The following SMYD3 variants were observed in gnomAD, a reference collection of about 807,000 sequenced individuals.
The protein encoded by SMYD3 is histone-lysine N-methyltransferase SMYD3.
In SMYD3, 36 loss-of-function variants were observed where a neutral mutation model predicts 57.7. That is an observed-to-expected ratio of 0.62 (90% CI 0.48 to 0.82). The LOEUF (loss-of-function observed/expected upper bound fraction) is 0.82, where lower values mean the gene tolerates loss of function less well. SMYD3 is among the 40% of genes least tolerant of loss of function. The pLI is 0.00. For missense variants in SMYD3, 515 were observed against 538.8 expected (o/e 0.96, Z 0.44); for synonymous variants, 211 against 195.0 (o/e 1.08, Z -0.68).
chr1:246,292,640 T>C (rs934034899), intron 5 of SMYD3, among the ~76,000 whole-genome samples: 1 of 152,218 alleles, frequency 6.6e-6, no homozygotes, highest in Admixed American at 6.5e-5. Context: ...ATAAATTTTG[T>C]AGGGATATGC....
chr1:246,173,419 A>G (rs1309137075), intron 5 of SMYD3, among the ~76,000 whole-genome samples: 3 of 152,258 alleles, frequency 2.0e-5, no homozygotes, highest in Non-Finnish European at 4.4e-5. Context: ...GTAATAAATT[A>G]AGCTTAGCTT....
chr1:245,828,126 C>T (rs1356291254), intron 10 of SMYD3, among the ~76,000 whole-genome samples: 1 of 152,092 alleles, frequency 6.6e-6, no homozygotes, highest in African/African-American at 2.4e-5. Context: ...AGTCTTTATC[C>T]ACATATTAAA....
intron 5 of SMYD3, among the ~76,000 whole-genome samples, chr1:246,229,821 C>T (rs2063384636): frequency 6.6e-6 from 1 of 152,204 alleles, no homozygotes; most frequent in African/African-American, 2.4e-5. Flanking sequence ...TTTCAACACG[C>T]ATTTTGGAGG....
chr1:246,172,734 T>C (rs1161543913), intron 5 of SMYD3, among the ~76,000 whole-genome samples: 1 of 134,840 alleles, frequency 7.4e-6, no homozygotes, highest in African/African-American at 2.8e-5. Flanking sequence ...ATCCACACTG[T>C]ACGCTTAGGC....
intron 8 of SMYD3, among the ~76,000 whole-genome samples, chr1:245,905,603 A>G (rs530246756): frequency 2.6e-5 from 4 of 152,210 alleles, no homozygotes; most frequent in Non-Finnish European, 5.9e-5. Flanking sequence ...TGACTCCCAG[A>G]CAGTACTTCT....
chr1:246,354,322 C>T (rs2065876792), intron 2 of SMYD3, among the ~76,000 whole-genome samples: 1 of 152,166 alleles, frequency 6.6e-6, no homozygotes. Flanking sequence ...ATGTTAACAA[C>T]AGTACTCGTA....
chr1:245,879,714 A>G (rs1026477313), intron 8 of SMYD3, among the ~76,000 whole-genome samples: 1 of 152,242 alleles, frequency 6.6e-6, no homozygotes, highest in Non-Finnish European at 1.5e-5. Flanking sequence ...TATGGTCATG[A>G]AACTATTCTT....
In SMYD3 at chr1:245,993,577, AAAAGATAGAT is replaced by A. The variant is rs1259750387; in HGVS notation, c.532-63650_532-63641del. Among the ~76,000 whole-genome samples, 1,273 of 132,042 alleles carry A rather than the reference AAAAGATAGAT, an allele frequency of 9.6e-3. 19 individuals carry two copies. Among genetic ancestry groups the A allele is most frequent in the East Asian group, 0.037 (159 of 4,304 alleles). 86.6% of individuals were successfully genotyped at this position (132,042 alleles called of 152,430 possible). ...TAGCAAGACGTTGTCTCAAAAAAAA[AAAAGATAGAT>A]AGATAGATAGATAGATAGATAGATA... On this transcript the variant is annotated intron_variant, in intron 5 of 11. Transcript: ENST00000490107.
rs1310836454 is a variant in SMYD3, at chr1:246,496,343, A to AT, written c.164+10710dup. 4.6e-5 allele frequency among the ~76,000 whole-genome samples: 7 copies of AT among 151,706 alleles called. No homozygotes were observed. The East Asian group carries it at 1.2e-3, about 25-fold the overall frequency. On this transcript the variant is annotated intron_variant, in intron 1 of 11. Transcript: ENST00000490107. ...GCCACCACGCCTGGCCAGTTTCTTG[A>AT]TTTTTTTCATTATAAGATGGTTCAT...
intron 5 of SMYD3, among the ~76,000 whole-genome samples, chr1:245,943,955 C>T (rs541345411): frequency 1.3e-5 from 2 of 152,248 alleles, no homozygotes; most frequent in East Asian, 3.9e-4. Flanking sequence ...TGTAAAAACC[C>T]TCAATAAACT....
intron 10 of SMYD3, among the ~76,000 whole-genome samples, chr1:245,767,496 C>T (rs1484684007): frequency 1.3e-5 from 2 of 152,230 alleles, no homozygotes; most frequent in African/African-American, 4.8e-5. Flanking sequence ...GAAACCCCGT[C>T]AATATGTGTG....
At chr1:246,088,801 T>A (rs1401559848) in intron 5 of SMYD3, among the ~76,000 whole-genome samples, 1 of 151,580 alleles carries the variant, frequency 6.6e-6, no homozygotes, top group Non-Finnish European at 1.5e-5. Context: ...CTTCTAATAA[T>A]TTCAGACAGC....
At chr1:246,493,068 A>G (rs2068295655) in intron 1 of SMYD3, among the ~76,000 whole-genome samples, 1 of 152,232 alleles carries the variant, frequency 6.6e-6, no homozygotes, top group Admixed American at 6.5e-5. Flanking sequence ...GGGTACACTT[A>G]AATAAATAAA....
chr1:245,926,647 G>A (rs908421948), intron 7 of SMYD3, among the ~76,000 whole-genome samples: 1 of 152,188 alleles, frequency 6.6e-6, no homozygotes, highest in Non-Finnish European at 1.5e-5. Context: ...ACTGGCAGCC[G>A]AGCCTAGGAA....
intron 5 of SMYD3, among the ~76,000 whole-genome samples, chr1:246,064,175 G>C (rs1009271999): frequency 3.3e-5 from 5 of 152,024 alleles, no homozygotes; most frequent in African/African-American, 1.2e-4. Flanking sequence ...ATCACTGCCG[G>C]AACTCCTACC....
In SMYD3 at chr1:246,254,404, A is replaced by C. The variant is rs570118684; in HGVS notation, c.531+72797T>G. 4.6e-5 allele frequency among the ~76,000 whole-genome samples: 7 copies of C among 152,174 alleles called. No homozygotes were observed. In the South Asian group the frequency reaches 1.5e-3, roughly 32 times the overall value. On this transcript the variant is annotated intron_variant, in intron 5 of 11. Transcript: ENST00000490107. Reference sequence around the variant, plus strand: ...TTTATTGACAGGGAGTCCTTTCCTCATTGCTTATTTTTGTCTACTTTATCA... The same window carrying C: ...TTTATTGACAGGGAGTCCTTTCCTCCTTGCTTATTTTTGTCTACTTTATCA...
chr1:245,894,552 A>G (rs2053625485), intron 8 of SMYD3, among the ~76,000 whole-genome samples: 1 of 152,144 alleles, frequency 6.6e-6, no homozygotes, highest in African/African-American at 2.4e-5. Flanking sequence ...TCCATTCTTC[A>G]AGTCATCAAG....
chr1:246,018,201 T>TC (rs1558154926), intron 5 of SMYD3, among the ~76,000 whole-genome samples: 4 of 152,116 alleles, frequency 2.6e-5, no homozygotes, highest in African/African-American at 9.7e-5. Flanking sequence ...ACACAGCTCT[T>TC]TCTCTCTGTG....
intron 10 of SMYD3, among the ~76,000 whole-genome samples, chr1:245,787,653 A>G (rs981077448): frequency 1.3e-5 from 2 of 152,070 alleles, no homozygotes; most frequent in Admixed American, 1.3e-4. Context: ...CAACCTTATT[A>G]GATGAAATTA....
Sources: gnomAD v4.1 joint callset for allele counts (sites outside exome capture counted in the v4.1 genomes callset) on GRCh38, gnomAD v4.1.1 for gene constraint, MANE v1.5 for transcripts, NCBI Gene and HGNC (gene_info 2026-07-23, HGNC 2026-07-21) for gene names.